TRPM7: variants seen among roughly 807,000 people sequenced by gnomAD.
TRPM7 encodes the protein transient receptor potential cation channel subfamily M member 7, also known as LTRPC ion channel family member 7.
Under a neutral mutation model 229.7 loss-of-function variants are expected in TRPM7, and 134 were observed. The observed-to-expected ratio is 0.58, with a 90% confidence interval of 0.51 to 0.67. The LOEUF is 0.67. Ranked by LOEUF, TRPM7 falls within the 30% of genes least tolerant of loss-of-function variation. The pLI is 0.00. For synonymous variants in TRPM7, 699 were observed against 715.2 expected, an observed-to-expected ratio of 0.98 and a Z score of 0.36; for missense variants, 1,901 against 2,210.0, an observed-to-expected ratio of 0.86 and a Z score of 2.80.
At chr15:50,635,546 C>A (rs2060871205) in intron 7 of TRPM7, among the ~76,000 whole-genome samples, 1 of 150,702 alleles carries the variant, frequency 6.6e-6, no homozygotes, top group Non-Finnish European at 1.5e-5. Context: ...GCCTGCAGTC[C>A]CAGCTACTCG....
chr15:50,571,590 A>T (rs901447494), intron 36 of TRPM7, among the ~76,000 whole-genome samples: 1 of 150,324 alleles, frequency 6.7e-6, no homozygotes, highest in Non-Finnish European at 1.5e-5. Context: ...AAAAAAAAAA[A>T]TCTCATGATC....
chr15:50,615,330 A>G (rs891801553), intron 13 of TRPM7, among the ~76,000 whole-genome samples: 14 of 152,098 alleles, frequency 9.2e-5, no homozygotes, highest in African/African-American at 2.7e-4. Flanking sequence ...TTTTTAACCA[A>G]AATTATACTG....
At chr15:50,628,630 C>T (rs867470566) in intron 10 of TRPM7, among the ~76,000 whole-genome samples, 2 of 152,156 alleles carry the variant, frequency 1.3e-5, no homozygotes, top group Non-Finnish European at 1.5e-5. Context: ...ATCTCCCCAC[C>T]ATTCTTTAGT....
rs570538049 is a variant in TRPM7 at position 50,574,484 on chromosome 15, T to C, written c.5103-5A>G. 1.2e-6 allele frequency: 2 copies of C among 1,602,676 alleles called. No individual in the cohort carries two copies. The highest frequency in any genetic ancestry group is 2.2e-5 in the East Asian group (1 of 44,558). ...AGCAGGAAAACTTCAAGGAACCTTA[T>C]AAAAAATAGTTATAAATATTACTAG... On this transcript the variant is annotated splice_region_variant and splice_polypyrimidine_tract_variant and intron_variant, in intron 35 of 38. Coordinates refer to ENST00000646667, the MANE Select transcript of TRPM7 (RefSeq NM_017672.6).
intron 21 of TRPM7, among the ~76,000 whole-genome samples, chr15:50,599,982 T>C (rs778380957): frequency 6.6e-6 from 1 of 152,216 alleles, no homozygotes; most frequent in Non-Finnish European, 1.5e-5. Flanking sequence ...ATTGAAAAAT[T>C]ATTTTCATTG....
chr15:50,629,861 T>G (rs2060678731), intron 10 of TRPM7, among the ~76,000 whole-genome samples: 1 of 91,666 alleles, frequency 1.1e-5, no homozygotes, highest in Non-Finnish European at 2.1e-5. Flanking sequence ...TTTTTAACCT[T>G]TTTTTTTTTT....
chr15:50,657,771 T>C lies in TRPM7; in HGVS notation c.122+10A>G. 1 of 1,611,290 alleles carries C rather than the reference T, an allele frequency of 6.2e-7. No homozygotes were observed. Among genetic ancestry groups the C allele is most frequent in the East Asian group, 2.2e-5 (1 of 44,844 alleles). Reference sequence around the variant, plus strand: ...CCGAAATTTGTGCGGTATAGTTATGTTAAACTTACCTGACGAGTTGCTGAC... The same window carrying C: ...CCGAAATTTGTGCGGTATAGTTATGCTAAACTTACCTGACGAGTTGCTGAC... On this transcript the variant is annotated intron_variant, in intron 3 of 38. Coordinates refer to ENST00000646667, the MANE Select transcript of TRPM7 (RefSeq NM_017672.6).
At chr15:50,679,544 T>A (rs868333535) in intron 1 of TRPM7, among the ~76,000 whole-genome samples, 5 of 124,982 alleles carry the variant, frequency 4.0e-5, no homozygotes, top group African/African-American at 1.8e-4. Flanking sequence ...ATATATTTTT[T>A]TTTTTTTTTG....
chr15:50,577,333 A>G (rs2054183998), intron 31 of TRPM7, among the ~76,000 whole-genome samples: 1 of 152,066 alleles, frequency 6.6e-6, no homozygotes, highest in African/African-American at 2.4e-5. Context: ...GCAGATCATG[A>G]GGTCAGGAGT....
At chr15:50,578,755 T>TA in intron 30 of TRPM7, 91 bp from the exon 31 acceptor site, 1 of 841,366 alleles carries the variant, frequency 1.2e-6, no homozygotes, top group Non-Finnish European at 1.7e-6. Flanking sequence ...AATTATTATA[T>TA]AAAAAATATT....
intron 1 of TRPM7, among the ~76,000 whole-genome samples, chr15:50,685,521 T>C (rs771034224): frequency 1.3e-5 from 2 of 152,216 alleles, no homozygotes; most frequent in Admixed American, 6.5e-5. Flanking sequence ...ATTCAAAGTA[T>C]TACTACATTT....
intron 7 of TRPM7, 129 bp downstream of exon 7, chr15:50,637,293 T>TC: frequency 2.5e-6 from 2 of 807,028 alleles, no homozygotes; most frequent in Non-Finnish European, 1.9e-6. Flanking sequence ...TCAACCACTG[T>TC]TGGTTGTTTC....
intron 1 of TRPM7, among the ~76,000 whole-genome samples, chr15:50,682,224 C>T (rs1401701220): frequency 7.6e-6 from 1 of 131,078 alleles, no homozygotes; most frequent in Non-Finnish European, 1.6e-5. Context: ...TGTCAAGAGT[C>T]AAGTCTTGAC....
intron 4 of TRPM7, among the ~76,000 whole-genome samples, chr15:50,644,254 A>G (rs2061193558): frequency 6.6e-6 from 1 of 151,972 alleles, no homozygotes; most frequent in African/African-American, 2.4e-5. Context: ...TGTGTGAAAT[A>G]ACTTCTTCTG....
chr15:50,586,369 A>T (rs1317779736), intron 28 of TRPM7, 23 bp downstream of exon 28: 19 of 1,440,218 alleles, frequency 1.3e-5, no homozygotes, highest in Non-Finnish European at 1.9e-5. Context: ...TTCTGACACT[A>T]TTCATATGGT....
At chr15:50,679,638 C>T (rs1173359140) in intron 1 of TRPM7, among the ~76,000 whole-genome samples, 1 of 148,582 alleles carries the variant, frequency 6.7e-6, no homozygotes, top group Non-Finnish European at 1.5e-5. Flanking sequence ...TGGATTCAAC[C>T]AATTCTCATG....
chr15:50,639,556 T>C lies in TRPM7; in HGVS notation c.536-8A>G. ...CAACATGTTTTGCCACACCTGTTCA[T>C]AAAAAAAGTTTATTCATTTTGTTTT... On this transcript the variant is annotated splice_polypyrimidine_tract_variant and splice_region_variant and intron_variant, in intron 5 of 38. Coordinates refer to ENST00000646667, the MANE Select transcript of TRPM7 (RefSeq NM_017672.6). 1.3e-6 allele frequency: 2 copies of C among 1,597,726 alleles called. No individual in the cohort carries two copies. Among genetic ancestry groups the C allele is most frequent in the Non-Finnish European group, 1.7e-6 (2 of 1,174,070 alleles).
intron 3 of TRPM7, among the ~76,000 whole-genome samples, chr15:50,653,266 T>C (rs565650670): frequency 6.6e-6 from 1 of 152,260 alleles, no homozygotes; most frequent in Admixed American, 6.5e-5. Flanking sequence ...GCCTTGGCAA[T>C]ATAGTGAGAC....
At chr15:50,660,925 G>C (rs1405540714) in intron 2 of TRPM7, among the ~76,000 whole-genome samples, 1 of 150,692 alleles carries the variant, frequency 6.6e-6, no homozygotes, top group Admixed American at 6.6e-5. Context: ...ACCAATAGTA[G>C]AACAGGTATA....
Sources: gnomAD v4.1 joint callset for allele counts (sites outside exome capture counted in the v4.1 genomes callset) on GRCh38, gnomAD v4.1.1 for gene constraint, MANE v1.5 for transcripts, NCBI Gene and HGNC (gene_info 2026-07-23, HGNC 2026-07-21) for gene names.